The following CEP120 variants were observed in gnomAD, a reference collection of about 807,000 sequenced individuals.
CEP120 encodes the protein centrosomal protein 120, also known as centrosomal protein of 120 kDa.
In CEP120, 113 loss-of-function variants were observed where a neutral mutation model predicts 126.5. That is an observed-to-expected ratio of 0.89 (90% CI 0.77 to 1.04). The LOEUF is 1.04. Among genes scored for constraint, CEP120 ranks in the 50% least tolerant of loss-of-function variants. CEP120 has a pLI of 0.00. For synonymous variants in CEP120, 400 were observed against 394.3 expected (o/e 1.01, Z -0.17); for missense variants, 1,230 against 1,155.7 (o/e 1.06, Z -0.93).
In CEP120 at chr5:123,346,440, C is replaced by A. The variant is rs990878295; in HGVS notation, c.*79G>T. 5.8e-6 allele frequency: 6 copies of A among 1,040,426 alleles called. No homozygotes were observed. Among genetic ancestry groups the A allele is most frequent in the South Asian group, 1.7e-5 (1 of 58,432 alleles). The allele number at this position is 1,040,426 out of a possible 1,614,324, so 64.4% of individuals were successfully genotyped here. A position where few individuals can be genotyped will look rare whatever the true frequency, so the allele number is the denominator to read the frequency against. Reference sequence around the variant, plus strand: ...ATTGAAAATACCATTTTAAAACATCCATTTTCCTCACTTTTGAGGTTTTTA... The same window carrying A: ...ATTGAAAATACCATTTTAAAACATCAATTTTCCTCACTTTTGAGGTTTTTA... On this transcript the variant is annotated 3_prime_UTR_variant, in exon 20 of 20. Transcript: ENST00000306467.
intron 8 of CEP120, 144 bp from the exon 9 acceptor site, chr5:123,388,750 T>C (rs1772189619): frequency 5.4e-6 from 3 of 551,034 alleles, no homozygotes; most frequent in Non-Finnish European, 8.8e-6. Context: ...AATTGAGGTA[T>C]AAGTATCTTA....
chr5:123,393,592 GT>G (rs967765642), intron 5 of CEP120, 95 bp from the exon 6 acceptor site: 9 of 1,057,456 alleles, frequency 8.5e-6, no homozygotes, highest in Admixed American at 5.0e-5. Flanking sequence ...TTGCTAAAAT[GT>G]TTTTTTATTT....
intron 17 of CEP120, among the ~76,000 whole-genome samples, chr5:123,365,298 T>C (rs1409524725): frequency 6.6e-6 from 1 of 151,752 alleles, no homozygotes; most frequent in Admixed American, 6.6e-5. Flanking sequence ...CAATCTGTTG[T>C]ACATGAACTG....
intron 18 of CEP120, among the ~76,000 whole-genome samples, chr5:123,356,834 T>C (rs1465262462): frequency 6.6e-6 from 1 of 152,166 alleles, no homozygotes; most frequent in Admixed American, 6.6e-5. Flanking sequence ...AATACTGTTA[T>C]TGTTGTTTTC....
intron 11 of CEP120, 34 bp from the exon 12 acceptor site, chr5:123,383,116 C>T: frequency 8.5e-7 from 1 of 1,178,626 alleles, no homozygotes; most frequent in Non-Finnish European, 1.2e-6. Flanking sequence ...TTAAAATTCA[C>T]AGAAATACTT....
intron 11 of CEP120, 53 bp from the exon 12 acceptor site, chr5:123,383,135 T>A: frequency 9.2e-7 from 1 of 1,082,122 alleles, no homozygotes; most frequent in Non-Finnish European, 1.3e-6. Context: ...TTTATATTAT[T>A]TTTCCTTTTA....
chr5:123,400,042 A>G (rs1304620848), intron 4 of CEP120, among the ~76,000 whole-genome samples: 1 of 152,338 alleles, frequency 6.6e-6, no homozygotes, highest in East Asian at 1.9e-4. Flanking sequence ...TGGCAGGTAC[A>G]TGCTAGAATA....
intron 4 of CEP120, among the ~76,000 whole-genome samples, chr5:123,404,324 A>G (rs1773500593): frequency 6.6e-6 from 1 of 152,242 alleles, no homozygotes; most frequent in Admixed American, 6.5e-5. Context: ...ATTTTGGCAA[A>G]CACATCGCTG....
intron 6 of CEP120, among the ~76,000 whole-genome samples, chr5:123,392,520 C>CT (rs984295903): frequency 2.0e-5 from 3 of 151,878 alleles, no homozygotes; most frequent in Admixed American, 6.6e-5. Context: ...GTTAACTTAT[C>CT]TTTTTTTTGA....
chr5:123,400,769 C>T (rs1175185342), intron 4 of CEP120, among the ~76,000 whole-genome samples: 1 of 150,744 alleles, frequency 6.6e-6, no homozygotes, highest in East Asian at 2.0e-4. Context: ...GGGGGGTCCC[C>T]AGGCAGTAAA....
chr5:123,373,621 T>C (rs1771009584), intron 16 of CEP120, among the ~76,000 whole-genome samples: 1 of 152,064 alleles, frequency 6.6e-6, no homozygotes, highest in African/African-American at 2.4e-5. Flanking sequence ...TACACAGGAT[T>C]CTGGGATACA....
chr5:123,403,269 G>C (rs1308599221), intron 4 of CEP120: 2 of 455,840 alleles, frequency 4.4e-6, no homozygotes, highest in Non-Finnish European at 8.8e-6. Flanking sequence ...AAGGAAGCAG[G>C]GCTCCTTAGA....
chr5:123,405,230 G>C (rs1406797343), intron 4 of CEP120, among the ~76,000 whole-genome samples: 1 of 151,960 alleles, frequency 6.6e-6, no homozygotes, highest in African/African-American at 2.4e-5. Context: ...GAACTGGGAT[G>C]AACTGCTAGT....
At position 123,418,408 on chromosome 5, in the gene CEP120, C is replaced by T; in HGVS notation, c.157G>A (p.Ala53Thr). ...PVDHTDQPEF[A>T]TELAWEIDRK... ...TCAATTTCCCAAGCTAACTCAGTAG[C>T]AAATTCTGGCTGGTCAGTGTGGTCC... Residue 53 changes from alanine to threonine, a missense_variant, in exon 2 of 20, where the codon GCT (alanine) becomes ACT (threonine). Transcript: ENST00000306467. 6.2e-7 allele frequency: 1 copy of T among 1,611,652 alleles called. No homozygotes were observed. The highest frequency in any genetic ancestry group is 8.5e-7 in the Non-Finnish European group (1 of 1,178,404).
Position 123,345,741 on chromosome 5 carries a change from C to CTAT in CEP120, c.*775_*777dup, listed in dbSNP as rs1451621707. 1 of 151,934 alleles carries CTAT rather than the reference C, an allele frequency of 6.6e-6. No individual in the cohort carries two copies. Among genetic ancestry groups the CTAT allele is most frequent in the East Asian group, 1.9e-4 (1 of 5,192 alleles). 9.4% of individuals were successfully genotyped at this position (151,934 alleles called of 1,614,324 possible). On this transcript the variant is annotated 3_prime_UTR_variant, in exon 20 of 20. Coordinates refer to ENST00000306467, the MANE Select transcript of CEP120 (RefSeq NM_001375405.1). ...GTCTTTATGTGTCTGTTTCCATGTT[C>CTAT]TATTACAGAGGGTTTAAGCTGACAG...
intron 3 of CEP120, among the ~76,000 whole-genome samples, chr5:123,413,947 GAATC>G (rs1373970247): frequency 6.6e-6 from 1 of 152,052 alleles, no homozygotes; most frequent in East Asian, 1.9e-4. Context: ...TATTTACAGA[GAATC>G]AATTTATTTT....
chr5:123,422,247 C>G (rs917756490), intron 1 of CEP120, among the ~76,000 whole-genome samples: 7 of 152,118 alleles, frequency 4.6e-5, no homozygotes, highest in African/African-American at 1.7e-4. Context: ...TGTAGGACCC[C>G]AAAAAATGCC....
chr5:123,415,955 T>C (rs1186112744), intron 3 of CEP120, 55 bp downstream of exon 3: 45 of 1,177,738 alleles, frequency 3.8e-5, no homozygotes, highest in Non-Finnish European at 5.3e-5. Flanking sequence ...TGTTATCTAC[T>C]GAAAATAATC....
At chr5:123,351,547 A>G (rs1769199410) in intron 18 of CEP120, among the ~76,000 whole-genome samples, 1 of 152,184 alleles carries the variant, frequency 6.6e-6, no homozygotes, top group South Asian at 2.1e-4. Flanking sequence ...TGGTCAGAGG[A>G]TATAAGAATT....
Sources: gnomAD v4.1 joint callset for allele counts (sites outside exome capture counted in the v4.1 genomes callset) on GRCh38, gnomAD v4.1.1 for gene constraint, MANE v1.5 for transcripts, NCBI Gene and HGNC (gene_info 2026-07-23, HGNC 2026-07-21) for gene names.